Variants in ANKRD30B observed in about 807,000 individuals in gnomAD.
ANKRD30B encodes the protein ankyrin repeat domain 30B.
ANKRD30B carries 144 observed loss-of-function variants against 202.2 expected under a neutral mutation model. The observed-to-expected ratio is 0.71, with a 90% CI of 0.62 to 0.82. The LOEUF (loss-of-function observed/expected upper bound fraction) is 0.82, where lower values mean the gene tolerates loss of function less well. Among genes scored for constraint, ANKRD30B ranks in the 40% least tolerant of loss-of-function variants. ANKRD30B has a pLI of 0.00. For synonymous variants in ANKRD30B, 508 were observed against 561.3 expected (o/e 0.91, Z 1.34); for missense variants, 1,487 against 1,669.1 (o/e 0.89, Z 1.90).
At chr18:14,904,084 G>A in the ANKRD30B span, among the ~76,000 whole-genome samples, 1 of 152,144 alleles carries the variant, frequency 6.6e-6, no homozygotes, top group Admixed American at 6.5e-5. Context: ...CCCCAACATG[G>A]TTTCATCCAC....
Position 14,748,447 on chromosome 18 carries a change from A to G in ANKRD30B, c.28A>G (p.Lys10Glu). MKRLLAAAG[K>E]GVRGPEPPNP... ...GAAGAGGCTCTTAGCTGCCGCTGGC[A>G]AGGGCGTGCGGGGCCCGGAGCCCCC... Residue 10 changes from lysine (K) to glutamate (E), a missense_variant, in exon 1 of 44, where the codon AAG becomes GAG. Physicochemically the swap from Lys to Glu is moderately conservative, Grantham distance 56 (BLOSUM62 1). Coordinates refer to ENST00000690538, the MANE Select transcript of ANKRD30B (RefSeq NM_001367607.2). 6.6e-7 allele frequency: 1 copy of G among 1,525,240 alleles called. No individual in the cohort carries two copies. Among genetic ancestry groups the G allele is most frequent in the Non-Finnish European group, 8.8e-7 (1 of 1,133,892 alleles). 94.5% of individuals were successfully genotyped at this position (1,525,240 alleles called of 1,614,324 possible). A position where few individuals can be genotyped will look rare whatever the true frequency, so the allele number is the denominator to read the frequency against.
the ANKRD30B span, among the ~76,000 whole-genome samples, chr18:14,914,335 G>A: frequency 3.0e-4 from 46 of 152,260 alleles, no homozygotes; most frequent in Non-Finnish European, 5.9e-4. Context: ...TTTGAGTATT[G>A]GAGTCTTTTG....
chr18:14,914,975 G>A, the ANKRD30B span, among the ~76,000 whole-genome samples: 1 of 152,148 alleles, frequency 6.6e-6, no homozygotes, highest in Non-Finnish European at 1.5e-5. Context: ...TGTTGAGTGA[G>A]AAGAAAAGCA....
At chr18:14,940,592 C>T in the ANKRD30B span, among the ~76,000 whole-genome samples, 1 of 152,290 alleles carries the variant, frequency 6.6e-6, no homozygotes, top group South Asian at 2.1e-4. Flanking sequence ...GAACTTGATG[C>T]TGCAAATGGA....
chr18:14,822,605 C>G lies in ANKRD30B; in HGVS notation c.2671C>G (p.Pro891Ala). The G allele has an allele frequency of 7.2e-7, 1 of 1,393,470 alleles. No homozygotes were observed. Among genetic ancestry groups the G allele is most frequent in the South Asian group, 1.3e-5 (1 of 77,808 alleles). The allele number at this position is 1,393,470 out of a possible 1,614,324, so 86.3% of individuals were successfully genotyped here. ...ESPDKDGLLK[P>A]TCGMKISLPN... ...TTATTGTGTTTCCAAACCCATTTAG[C>G]CTACCTGTGGAATGAAAATTTCTCT... The change falls in exon 32 of 44, where the codon CCT becomes GCT. Residue 891 changes from proline (P) to alanine (A), a missense_variant and splice_region_variant. Physicochemically the swap from Pro to Ala is conservative, Grantham distance 27. Coordinates refer to ENST00000690538, the MANE Select transcript of ANKRD30B (RefSeq NM_001367607.2).
chr18:14,770,816 A>AT (rs946246499), intron 8 of ANKRD30B, among the ~76,000 whole-genome samples: 7 of 147,812 alleles, frequency 4.7e-5, no homozygotes, highest in African/African-American at 1.6e-4. Flanking sequence ...CTATTGAAAG[A>AT]TAAAAAAAAA....
chr18:14,849,230 G>A (rs1330961711), intron 40 of ANKRD30B, among the ~76,000 whole-genome samples: 2 of 151,796 alleles, frequency 1.3e-5, no homozygotes, highest in East Asian at 3.9e-4. Flanking sequence ...AATGCTACAA[G>A]ACATAACTGC....
intron 10 of ANKRD30B, among the ~76,000 whole-genome samples, chr18:14,778,925 G>T (rs1967549828): frequency 6.6e-6 from 1 of 151,880 alleles, no homozygotes; most frequent in Admixed American, 6.6e-5. Flanking sequence ...TGACCAGAGG[G>T]GAAAAAAGAG....
chr18:14,923,415 CTG>C, the ANKRD30B span, among the ~76,000 whole-genome samples: 1 of 152,266 alleles, frequency 6.6e-6, no homozygotes, highest in East Asian at 1.9e-4. Context: ...AGAGGCTTCA[CTG>C]CCTGTGGAAA....
At chr18:14,903,818 AG>A in the ANKRD30B span, 1 of 152,226 alleles carries the variant, frequency 6.6e-6, no homozygotes, top group East Asian at 1.9e-4. Context: ...GGAAAATCAG[AG>A]CTATTGCTCC....
chr18:14,820,700 C>A (rs2144109768), intron 30 of ANKRD30B, among the ~76,000 whole-genome samples: 1 of 152,108 alleles, frequency 6.6e-6, no homozygotes. Flanking sequence ...GCCTTGCATC[C>A]CAGGGATGAA....
rs1227887221 is a variant in ANKRD30B at position 14,852,122 on chromosome 18, A to C, written c.4178A>C (p.Gln1393Pro). ...AGAGACCGATGTGAAACACAGTGTC[A>C]AATGAAGAAAGCTGAACACATGTAT... is the stretch of plus-strand genomic sequence containing the variant. ...AQRDRCETQC[Q>P]MKKAEHMYQN... The change falls in exon 42 of 44, where the codon CAA becomes CCA. Residue 1393 changes from glutamine (Q) to proline (P), a missense_variant. Transcript: ENST00000690538. The C allele has an allele frequency of 6.2e-7, 1 of 1,603,442 alleles. No individual in the cohort carries two copies. Among genetic ancestry groups the C allele is most frequent in the East Asian group, 2.3e-5 (1 of 43,778 alleles).
At chr18:14,822,439 A>T in intron 30 of ANKRD30B, 44 bp from the exon 31 acceptor site, 2 of 1,086,588 alleles carry the variant, frequency 1.8e-6, no homozygotes, top group Non-Finnish European at 1.4e-6. Flanking sequence ...GTAGACTTTG[A>T]CAGGCTTGCG....
chr18:14,815,998 C>A (rs185566738), intron 30 of ANKRD30B, among the ~76,000 whole-genome samples: 8 of 152,286 alleles, frequency 5.3e-5, no homozygotes, highest in Admixed American at 1.3e-4. Flanking sequence ...ACTTTCACTG[C>A]TGAGATGTCA....
the ANKRD30B span, among the ~76,000 whole-genome samples, chr18:14,884,329 A>G: frequency 6.6e-6 from 1 of 151,986 alleles, no homozygotes; most frequent in African/African-American, 2.4e-5. Flanking sequence ...ATATTGAGAT[A>G]GATGACTACA....
intron 9 of ANKRD30B, among the ~76,000 whole-genome samples, chr18:14,775,911 A>G (rs570191250): frequency 6.6e-6 from 1 of 152,390 alleles, no homozygotes; most frequent in East Asian, 1.9e-4. Flanking sequence ...TTATAAAAAT[A>G]GCGCTCATAT....
chr18:14,832,438 T>A (rs1970994025), intron 34 of ANKRD30B, among the ~76,000 whole-genome samples: 1 of 152,216 alleles, frequency 6.6e-6, no homozygotes, highest in Non-Finnish European at 1.5e-5. Flanking sequence ...TTTAAACATA[T>A]TGTTCAAAGA....
Position 14,818,128 on chromosome 18 carries a change from A to G in ANKRD30B, c.2641+3417A>G, listed in dbSNP as rs538488545. Among the ~76,000 whole-genome samples the G allele has an allele frequency of 2.6e-5, 4 of 152,306 alleles. No individual in the cohort carries two copies. In the East Asian group the frequency reaches 5.8e-4, roughly 22 times the overall value. Reference sequence around the variant, plus strand: ...ATTTGATGAAAGGAGATATATTTCTATGTCAAAGAAATGTCTGTTTTTTCT... The same window carrying G: ...ATTTGATGAAAGGAGATATATTTCTGTGTCAAAGAAATGTCTGTTTTTTCT... On this transcript the variant is annotated intron_variant, in intron 30 of 43. Transcript: ENST00000690538.
intron 6 of ANKRD30B, 116 bp from the exon 7 acceptor site, chr18:14,763,570 G>A: frequency 1.4e-6 from 2 of 1,425,400 alleles, no homozygotes; most frequent in South Asian, 2.6e-5. Context: ...AGAGAGAAAA[G>A]AAAAGTTTGG....
Sources: allele counts gnomAD v4.1 joint callset (sites outside exome capture counted in the v4.1 genomes callset), GRCh38; gene constraint gnomAD v4.1.1; transcripts MANE v1.5; gene names NCBI Gene and HGNC (gene_info 2026-07-23, HGNC 2026-07-21).